HERC1: variants seen among roughly 807,000 people sequenced by gnomAD.
HERC1 encodes HECT and RLD domain containing E3 ubiquitin protein ligase family member 1.
Under a neutral mutation model 554.3 loss-of-function variants are expected in HERC1, and 160 were observed. The observed-to-expected ratio is 0.29, with a 90% confidence interval of 0.25 to 0.33. HERC1 has a LOEUF of 0.33. Ranked by LOEUF, HERC1 falls within the 10% of genes least tolerant of loss-of-function variation. The pLI is 1.00. For synonymous variants in HERC1, 2,175 were observed against 2,131.7 expected (o/e 1.02, Z -0.56); for missense variants, 4,919 against 5,918.5 (o/e 0.83, Z 5.54).
In HERC1 at chr15:63,674,484, T is replaced by C; in HGVS notation, c.7704A>G (p.Arg2568=). Residue 2568 remains arginine (R), a synonymous_variant, in exon 38 of 78, where the codon CGA becomes CGG. Coordinates refer to ENST00000443617, the MANE Select transcript of HERC1 (RefSeq NM_003922.4). Reference sequence around the variant, plus strand: ...GCATGACTGCTCGCTTCACCATGTGTCGCATCAAGAACTGCAGGGCTGCTC... The same window carrying C: ...GCATGACTGCTCGCTTCACCATGTGCCGCATCAAGAACTGCAGGGCTGCTC... The part of the protein sequence containing the change: ...EMRAALQFLM[R]HMVKRAVMRS... 6.2e-7 allele frequency: 1 copy of C among 1,613,932 alleles called. No individual in the cohort carries two copies.
At chr15:63,620,308 GT>G (rs1216065273) in intron 74 of HERC1, among the ~76,000 whole-genome samples, 1 of 152,150 alleles carries the variant, frequency 6.6e-6, no homozygotes, top group Non-Finnish European at 1.5e-5. Flanking sequence ...GCGGTTTTGA[GT>G]GAGTTTCTTA....
chr15:63,655,233 AATC>A (rs1338696281), intron 50 of HERC1, among the ~76,000 whole-genome samples: 1 of 152,172 alleles, frequency 6.6e-6, no homozygotes, highest in Non-Finnish European at 1.5e-5. Flanking sequence ...ATGTGCCTGT[AATC>A]CCAGCTACTT....
At chr15:63,671,793 T>C (rs2070941744) in intron 39 of HERC1, among the ~76,000 whole-genome samples, 1 of 152,190 alleles carries the variant, frequency 6.6e-6, no homozygotes, top group Non-Finnish European at 1.5e-5. Context: ...TAATGCCTTC[T>C]TAACTAAGGA....
intron 74 of HERC1, among the ~76,000 whole-genome samples, chr15:63,618,934 T>C (rs1440815701): frequency 1.3e-5 from 2 of 152,226 alleles, no homozygotes; most frequent in Admixed American, 1.3e-4. Context: ...AATCATGTCA[T>C]CTGCAAACAG....
At chr15:63,738,160 G>A (rs2074628679) in intron 12 of HERC1, among the ~76,000 whole-genome samples, 1 of 151,954 alleles carries the variant, frequency 6.6e-6, no homozygotes, top group South Asian at 2.1e-4. Context: ...TGGTATTCTT[G>A]CCCAAAATAC....
In HERC1 at chr15:63,734,803, G is replaced by A; in HGVS notation, c.2567C>T (p.Pro856Leu). ...AAGTAATTCCATCCGTTCTCGTAATGGAGGTAACAGCATGGTTGCTCCCAC... is the reference window on the plus strand; with the variant it reads ...AAGTAATTCCATCCGTTCTCGTAATAGAGGTAACAGCATGGTTGCTCCCAC... ...LSVGATMLLP[P>L]LRERMELLHS... The change falls in exon 13 of 78, where the codon CCA becomes CTA. Residue 856 changes from proline to leucine, a missense_variant. Pro to Leu is a moderately conservative substitution (Grantham distance 98). Around this residue, in one of 11 missense-constraint regions of HERC1, gnomAD observed 744 missense variants for 1,090.0 expected, o/e 0.68. Transcript: ENST00000443617. The surrounding 1 kb of genome is among the most constrained non-coding windows in gnomAD (Gnocchi z 4.6). 6.2e-7 allele frequency: 1 copy of A among 1,607,800 alleles called. No homozygotes were observed. Among genetic ancestry groups the A allele is most frequent in the Non-Finnish European group, 8.5e-7 (1 of 1,177,340 alleles).
rs778994338 is a variant in HERC1, at chr15:63,775,032, C to T, written c.592G>A (p.Glu198Lys). 6.2e-7 allele frequency: 1 copy of T among 1,614,006 alleles called. No individual in the cohort carries two copies. Among genetic ancestry groups the T allele is most frequent in the Non-Finnish European group, 8.5e-7 (1 of 1,179,854 alleles). Reference sequence around the variant, plus strand: ...AATGGTGGCAAAGAGCTCACAACTTCAATTGCAGTATGAATGACATCGTTG... The same window carrying T: ...AATGGTGGCAAAGAGCTCACAACTTTAATTGCAGTATGAATGACATCGTTG... ...LCNDVIHTAI[E>K]VVSSLPPLSL... The change falls in exon 2 of 78, where the codon GAA (glutamate) becomes AAA (lysine). Residue 198 changes from glutamate (E) to lysine (K), a missense_variant. Physicochemically the swap from Glu to Lys is moderately conservative, Grantham distance 56 (BLOSUM62 1). This residue lies in a region of HERC1 where 744 missense variants were observed against 1,090.0 expected (regional missense o/e 0.68). Transcript: ENST00000443617. This position sits in a 1 kb window ranked among gnomAD's most constrained non-coding sequence, Gnocchi z 4.0.
rs1348089106 is a variant in HERC1, at chr15:63,677,927, G to A, written c.6988C>T (p.Arg2330Cys). The A allele has an allele frequency of 3.7e-6, 6 of 1,613,798 alleles. No homozygotes were observed. Among genetic ancestry groups the A allele is most frequent in the Non-Finnish European group, 4.2e-6 (5 of 1,179,882 alleles). The change falls in exon 37 of 78, where the codon CGC becomes TGC. Residue 2330 changes from arginine (R) to cysteine (C), a missense_variant. Around this residue, in one of 11 missense-constraint regions of HERC1, gnomAD observed 1,963 missense variants for 2,228.6 expected, o/e 0.88. Coordinates refer to ENST00000443617, the MANE Select transcript of HERC1 (RefSeq NM_003922.4). The surrounding 1 kb of genome is among the most constrained non-coding windows in gnomAD (Gnocchi z 4.4). ...GGRCVHKQTGRHATLLGVVKE... is the reference protein window; with the variant it reads ...GGRCVHKQTGCHATLLGVVKE... ...ACCACTCCCAGCAGCGTGGCATGGCGCCCAGTTTGCTTGTGAACACACCGA... is the reference window on the plus strand; with the variant it reads ...ACCACTCCCAGCAGCGTGGCATGGCACCCAGTTTGCTTGTGAACACACCGA...
intron 37 of HERC1, among the ~76,000 whole-genome samples, chr15:63,676,137 G>T (rs1166672572): frequency 1.3e-5 from 2 of 152,112 alleles, no homozygotes; most frequent in Non-Finnish European, 2.9e-5. Context: ...CCTGACCTCA[G>T]GTGATCTGCC....
chr15:63,685,663 T>C (rs2071717375), intron 34 of HERC1, among the ~76,000 whole-genome samples: 1 of 152,238 alleles, frequency 6.6e-6, no homozygotes, highest in African/African-American at 2.4e-5. Flanking sequence ...TGGCCAATCT[T>C]ATCCCCCTGC....
At chr15:63,783,179 T>C in intron 1 of HERC1, among the ~76,000 whole-genome samples, 2 of 152,158 alleles carry the variant, frequency 1.3e-5, no homozygotes, top group East Asian at 3.8e-4. Context: ...GTGGGTAAAA[T>C]GCTATCAAAC....
At chr15:63,772,785 C>T (rs1486604674) in intron 2 of HERC1, among the ~76,000 whole-genome samples, 5 of 152,066 alleles carry the variant, frequency 3.3e-5, no homozygotes, top group Non-Finnish European at 4.4e-5. Context: ...CATTCCATAT[C>T]CCAAACAAAG....
At position 63,666,438 on chromosome 15, in the gene HERC1, A is replaced by G. The variant is rs747565573; in HGVS notation, c.8241T>C (p.Ser2747=). The G allele has an allele frequency of 6.2e-7, 1 of 1,613,524 alleles. No homozygotes were observed. The highest frequency in any genetic ancestry group is 2.2e-5 in the East Asian group (1 of 44,860). Residue 2747 remains serine (S), a synonymous_variant, in exon 41 of 78, where the codon TCT becomes TCC. Coordinates refer to ENST00000443617, the MANE Select transcript of HERC1 (RefSeq NM_003922.4). ...GAACTGCAATTGCTGGAGGAGGAGG[A>G]GAAGTTGAAAGTCTACTGCTTGGGT... The part of the protein sequence containing the change: ...LSDPSSRLST[S]PPPPAIAVPL...
At position 63,706,825 on chromosome 15, in the gene HERC1, T is replaced by G. The variant is rs1291856149; in HGVS notation, c.4591A>C (p.Arg1531=). Residue 1531 remains arginine (R), a synonymous_variant, in exon 25 of 78, where the codon AGA becomes CGA. Transcript: ENST00000443617. The part of the protein sequence containing the change: ...SDEEGYALSG[R]RNVDLDLAAS... ...GCCAAATCCAAATCAACATTTCGTC[T>G]GCCACTCTATTAAAAGTAAAAAGTA... The G allele has an allele frequency of 6.5e-7, 1 of 1,537,986 alleles. No homozygotes were observed. The highest frequency in any genetic ancestry group is 2.0e-5 in the Admixed American group (1 of 51,158).
At chr15:63,637,831 C>T (rs2068851899) in intron 63 of HERC1, among the ~76,000 whole-genome samples, 188 bp from the exon 64 acceptor site, 1 of 152,036 alleles carries the variant, frequency 6.6e-6, no homozygotes, top group Non-Finnish European at 1.5e-5. Flanking sequence ...GCTTATTTAA[C>T]CAAGAGATGT....
intron 66 of HERC1, 71 bp downstream of exon 66, chr15:63,634,662 G>A (rs2068704050): frequency 1.5e-6 from 2 of 1,296,964 alleles, no homozygotes; most frequent in Non-Finnish European, 2.2e-6. Flanking sequence ...TCTTCCTGAG[G>A]GTGTCTAAGC....
At chr15:63,730,358 C>A (rs955918141) in intron 14 of HERC1, among the ~76,000 whole-genome samples, 1 of 151,726 alleles carries the variant, frequency 6.6e-6, no homozygotes, top group Non-Finnish European at 1.5e-5. Context: ...ACTTGGGAGG[C>A]TGAGGTGGGA....
intron 24 of HERC1, among the ~76,000 whole-genome samples, chr15:63,707,563 A>G (rs1042818517): frequency 6.6e-6 from 1 of 152,172 alleles, no homozygotes; most frequent in Non-Finnish European, 1.5e-5. Flanking sequence ...TAGACTTGAC[A>G]TTATGGTATC....
intron 77 of HERC1, 101 bp from the exon 78 acceptor site, chr15:63,609,367 A>G (rs1257383108): frequency 1.9e-6 from 2 of 1,027,278 alleles, no homozygotes; most frequent in Non-Finnish European, 2.8e-6. Flanking sequence ...TGGAATTAAC[A>G]TGGCCACATG....
Sources: allele counts gnomAD v4.1 joint callset (sites outside exome capture counted in the v4.1 genomes callset), GRCh38; gene constraint gnomAD v4.1.1; regional missense constraint gnomAD v4.1.1; non-coding constraint Gnocchi (gnomAD v3.1); transcripts MANE v1.5; gene names NCBI Gene and HGNC (gene_info 2026-07-23, HGNC 2026-07-21).